TRPC6: variants seen among roughly 807,000 people sequenced by gnomAD.
The protein encoded by TRPC6 is transient receptor potential cation channel subfamily C member 6, also known as short transient receptor potential channel 6.
Under a neutral mutation model 90.7 loss-of-function variants are expected in TRPC6, and 55 were observed. The observed-to-expected ratio is 0.61, with a 90% CI of 0.49 to 0.76. The LOEUF (loss-of-function observed/expected upper bound fraction) is 0.76, where lower values mean the gene tolerates loss of function less well. Ranked by LOEUF, TRPC6 falls within the 30% of genes least tolerant of loss-of-function variation. TRPC6 has a pLI of 0.00. For missense variants in TRPC6, 989 were observed against 1,122.7 expected, an observed-to-expected ratio of 0.88 and a Z score of 1.70; for synonymous variants, 393 against 393.0, an observed-to-expected ratio of 1.00 and a Z score of 0.00.
chr11:101,466,764 C>A (rs758300102), intron 10 of TRPC6, among the ~76,000 whole-genome samples: 9 of 151,848 alleles, frequency 5.9e-5, no homozygotes, highest in Non-Finnish European at 8.8e-5. Flanking sequence ...GGGGAAAAAA[C>A]AAACAAACAA....
intron 1 of TRPC6, among the ~76,000 whole-genome samples, chr11:101,535,035 G>T (rs568407465): frequency 1.3e-5 from 2 of 152,128 alleles, no homozygotes; most frequent in South Asian, 4.1e-4. Flanking sequence ...GCATGGTAGC[G>T]CATGCCTCTA....
chr11:101,507,044 C>CAT (rs1860289688), intron 1 of TRPC6, among the ~76,000 whole-genome samples: 1 of 147,596 alleles, frequency 6.8e-6, no homozygotes, highest in Non-Finnish European at 1.5e-5. Flanking sequence ...CACACACACA[C>CAT]ACACACAGAC....
chr11:101,487,388 T>A (rs1859700507), intron 4 of TRPC6, among the ~76,000 whole-genome samples: 1 of 152,150 alleles, frequency 6.6e-6, no homozygotes, highest in South Asian at 2.1e-4. Context: ...AATGTATTTG[T>A]CTAAATTTAA....
chr11:101,454,948 A>T, intron 11 of TRPC6, 70 bp downstream of exon 11: 1 of 1,199,882 alleles, frequency 8.3e-7, no homozygotes, highest in South Asian at 1.3e-5. Context: ...GATACTTTAA[A>T]GAATCACATA....
At chr11:101,535,353 G>C (rs868825496) in intron 1 of TRPC6, among the ~76,000 whole-genome samples, 4 of 151,478 alleles carry the variant, frequency 2.6e-5, no homozygotes, top group Non-Finnish European at 2.9e-5. Flanking sequence ...TATTTTTATG[G>C]ATACCTTAGT....
At chr11:101,547,836 G>A (rs998031141) in intron 1 of TRPC6, among the ~76,000 whole-genome samples, 6 of 152,118 alleles carry the variant, frequency 3.9e-5, no homozygotes, top group Non-Finnish European at 8.8e-5. Flanking sequence ...CTAGCCTGCT[G>A]CCTGTCTCCT....
intron 6 of TRPC6, among the ~76,000 whole-genome samples, chr11:101,474,803 A>T (rs1859375331): frequency 6.6e-6 from 1 of 152,186 alleles, no homozygotes; most frequent in South Asian, 2.1e-4. Context: ...AGTCTCCTTA[A>T]GTACATAACT....
intron 1 of TRPC6, among the ~76,000 whole-genome samples, chr11:101,512,224 T>C (rs1240772593): frequency 6.6e-6 from 1 of 152,132 alleles, no homozygotes; most frequent in East Asian, 1.9e-4. Context: ...ACTTTCTGTT[T>C]GATCAGTCAC....
intron 2 of TRPC6, 60 bp from the exon 3 acceptor site, chr11:101,491,798 C>A: frequency 1.5e-6 from 2 of 1,347,174 alleles, no homozygotes; most frequent in Non-Finnish European, 1.0e-6. Flanking sequence ...TACTATGCTT[C>A]AGAGACTTGA....
Position 101,473,614 on chromosome 11 carries a change from A to C in TRPC6, c.1904T>G (p.Phe635Cys). The change falls in exon 7 of 13, where the codon TTC (phenylalanine) becomes TGC (cysteine). Residue 635 changes from phenylalanine to cysteine, a missense_variant. Physicochemically the swap from Phe to Cys is radical, Grantham distance 205. Around this residue, in one of 4 missense-constraint regions of TRPC6, gnomAD observed 118 missense variants for 197.6 expected, o/e 0.60. Transcript: ENST00000344327. ...CATAATGAATATGACCATGAACTTGAAGATGTCTTTGACTGTTCTTCCAAG... is the reference window on the plus strand; with the variant it reads ...CATAATGAATATGACCATGAACTTGCAGATGTCTTTGACTGTTCTTCCAAG... ...ISLGRTVKDI[F>C]KFMVIFIMVF... 6.2e-7 allele frequency: 1 copy of C among 1,613,820 alleles called. No individual in the cohort carries two copies. The highest frequency in any genetic ancestry group is 8.5e-7 in the Non-Finnish European group (1 of 1,179,802).
At chr11:101,455,781 T>C (rs751352504) in intron 10 of TRPC6, among the ~76,000 whole-genome samples, 6 of 152,208 alleles carry the variant, frequency 3.9e-5, no homozygotes, top group Non-Finnish European at 7.3e-5. Context: ...TTCACTTCAG[T>C]GCTTTGCTTT....
intron 1 of TRPC6, among the ~76,000 whole-genome samples, chr11:101,525,209 A>G (rs1259237998): frequency 6.6e-6 from 1 of 152,236 alleles, no homozygotes; most frequent in Non-Finnish European, 1.5e-5. Flanking sequence ...GCAAGGTGGT[A>G]GAGCATTTTG....
At chr11:101,558,460 TACACACACACACACACACACACACAC>T (rs71056630) in intron 1 of TRPC6, among the ~76,000 whole-genome samples, 2 of 50,490 alleles carry the variant, frequency 4.0e-5, no homozygotes, top group South Asian at 6.9e-4. Context: ...CACGCACACA[TACACACACACACACACACACACACAC>T]ACACACACAC....
Position 101,496,092 on chromosome 11 carries a change from G to T in TRPC6, c.946-4354C>A, listed in dbSNP as rs545835811. Among the ~76,000 whole-genome samples, 327 of 152,212 alleles carry T rather than the reference G, an allele frequency of 2.1e-3. 3 individuals carry two copies. The highest frequency in any genetic ancestry group is 7.5e-3 in the African/African-American group (312 of 41,504). On this transcript the variant is annotated intron_variant, in intron 2 of 12. Coordinates refer to ENST00000344327, the MANE Select transcript of TRPC6 (RefSeq NM_004621.6). Reference sequence around the variant, plus strand: ...CATGTGGCAGCAGGAGAGAGAGAGAGAGAGAGAGTGAAGGGAGAAGTGCCA... The same window carrying T: ...CATGTGGCAGCAGGAGAGAGAGAGATAGAGAGAGTGAAGGGAGAAGTGCCA...
intron 6 of TRPC6, among the ~76,000 whole-genome samples, chr11:101,475,498 A>G (rs958988070): frequency 2.0e-5 from 3 of 152,100 alleles, no homozygotes; most frequent in African/African-American, 7.2e-5. Flanking sequence ...TAGCCACTAT[A>G]CTGTATATCT....
intron 5 of TRPC6, among the ~76,000 whole-genome samples, chr11:101,482,102 T>TA (rs1479350634): frequency 6.6e-6 from 1 of 152,192 alleles, no homozygotes; most frequent in African/African-American, 2.4e-5. Context: ...CCAATCTGTG[T>TA]ATGTTCATAA....
At chr11:101,562,163 C>A (rs1240656690) in intron 1 of TRPC6, among the ~76,000 whole-genome samples, 1 of 151,896 alleles carries the variant, frequency 6.6e-6, no homozygotes, top group Non-Finnish European at 1.5e-5. Flanking sequence ...TCTAATACTC[C>A]TGAAAATGGA....
At chr11:101,484,211 G>A (rs962353453) in intron 4 of TRPC6, among the ~76,000 whole-genome samples, 2 of 152,268 alleles carry the variant, frequency 1.3e-5, no homozygotes, top group South Asian at 2.1e-4. Flanking sequence ...GCCCACTTTC[G>A]ATGAAGAAAC....
chr11:101,513,436 C>T (rs1860442792), intron 1 of TRPC6, among the ~76,000 whole-genome samples: 1 of 152,094 alleles, frequency 6.6e-6, no homozygotes, highest in South Asian at 2.1e-4. Flanking sequence ...GATGGGTGCA[C>T]TAAAATCTCG....
Sources: gnomAD v4.1 joint callset for allele counts (sites outside exome capture counted in the v4.1 genomes callset) on GRCh38, gnomAD v4.1.1 for gene constraint, gnomAD v4.1.1 regional missense constraint, MANE v1.5 for transcripts, NCBI Gene and HGNC (gene_info 2026-07-23, HGNC 2026-07-21) for gene names.